GOLPH3: variants seen among roughly 807,000 people sequenced by gnomAD.
GOLPH3 encodes the protein golgi phosphoprotein 3.
In GOLPH3, 14 loss-of-function variants were observed where a neutral mutation model predicts 28.5. That is an observed-to-expected ratio of 0.49 (90% CI 0.32 to 0.77). GOLPH3 has a LOEUF of 0.77. Among genes scored for constraint, GOLPH3 ranks in the 30% least tolerant of loss-of-function variants. The pLI is 0.03. For synonymous variants in GOLPH3, 158 were observed against 159.2 expected (o/e 0.99, Z 0.06); for missense variants, 350 against 393.7 (o/e 0.89, Z 0.94).
At chr5:32,168,535 T>C (rs779391800) in intron 1 of GOLPH3, among the ~76,000 whole-genome samples, 2 of 152,216 alleles carry the variant, frequency 1.3e-5, no homozygotes, top group African/African-American at 2.4e-5. Flanking sequence ...TCTGGCTATC[T>C]TTAAAAAGCA....
At position 32,173,873 on chromosome 5, in the gene GOLPH3, G is replaced by A. The variant is rs1746910619; in HGVS notation, c.162C>T (p.Asp54=). The A allele has an allele frequency of 6.5e-7, 1 of 1,527,442 alleles. No homozygotes were observed. Among genetic ancestry groups the A allele is most frequent in the Non-Finnish European group, 8.8e-7 (1 of 1,140,486 alleles). The allele number at this position is 1,527,442 out of a possible 1,614,324, so 94.6% of individuals were successfully genotyped here. Residue 54 remains aspartate, a synonymous_variant, in exon 1 of 4, where the codon GAC becomes GAT. Coordinates refer to ENST00000265070, the MANE Select transcript of GOLPH3 (RefSeq NM_022130.4). ...RDEQDDDDKG[D]SKETRLTLME... ...TCAGGGTCAGCCGCGTTTCCTTGGA[G>A]TCGCCCTTGTCGTCGTCGTCCTGCT...
At position 32,125,858 on chromosome 5, in the gene GOLPH3, T is replaced by C. The variant is rs557733612; in HGVS notation, c.*354A>G. 5 of 204,030 alleles carry C rather than the reference T, an allele frequency of 2.5e-5. No individual in the cohort carries two copies. Among genetic ancestry groups the C allele is most frequent in the Admixed American group, 5.3e-5 (1 of 18,796 alleles). The allele number at this position is 204,030 out of a possible 1,614,324, so 12.6% of individuals were successfully genotyped here. A position where few individuals can be genotyped will look rare whatever the true frequency, so the allele number is the denominator to read the frequency against. On this transcript the variant is annotated 3_prime_UTR_variant, in exon 4 of 4. Transcript: ENST00000265070. ...CTGTAGGCAGAATGCTAGATGTACA[T>C]GCACATATGGAGAAACTCAAGCTGA...
Position 32,153,635 on chromosome 5 carries a change from C to A in GOLPH3, c.226-9755G>T, listed in dbSNP as rs142974238. 1.8e-3 allele frequency among the ~76,000 whole-genome samples: 279 copies of A among 152,054 alleles called. 3 individuals carry two copies. The highest frequency in any genetic ancestry group is 6.3e-3 in the African/African-American group (261 of 41,476). ...TTTTAATACAAGCGGTAAGCCAATG[C>A]AAATATTTGAAGAACCAAAATTTTC... On this transcript the variant is annotated intron_variant, in intron 1 of 3. Coordinates refer to ENST00000265070, the MANE Select transcript of GOLPH3 (RefSeq NM_022130.4).
intron 1 of GOLPH3, among the ~76,000 whole-genome samples, chr5:32,144,874 C>T (rs1251461924): frequency 3.9e-5 from 6 of 152,330 alleles, no homozygotes; most frequent in Admixed American, 6.5e-5. Flanking sequence ...TATAAAGCCA[C>T]AAATCTTGCC....
chr5:32,161,966 G>A (rs1156539177), intron 1 of GOLPH3, among the ~76,000 whole-genome samples: 1 of 151,036 alleles, frequency 6.6e-6, no homozygotes, highest in African/African-American at 2.5e-5. Flanking sequence ...GGCAGAGCTT[G>A]CAGTGAGCCG....
At chr5:32,171,999 G>C (rs1393993751) in intron 1 of GOLPH3, among the ~76,000 whole-genome samples, 2 of 151,710 alleles carry the variant, frequency 1.3e-5, no homozygotes, top group East Asian at 3.9e-4. Context: ...TTCCAATTTT[G>C]AAACCTAAAG....
chr5:32,154,527 G>T (rs961450905), intron 1 of GOLPH3, among the ~76,000 whole-genome samples: 3 of 152,126 alleles, frequency 2.0e-5, no homozygotes, highest in South Asian at 2.1e-4. Flanking sequence ...TACTTCTTTG[G>T]CTTGTGGCCT....
chr5:32,126,955 A>G (rs1259713820), intron 3 of GOLPH3, among the ~76,000 whole-genome samples: 1 of 152,220 alleles, frequency 6.6e-6, no homozygotes, highest in Non-Finnish European at 1.5e-5. Context: ...AGCTGAAGTC[A>G]AAAAGCAGCC....
At chr5:32,173,556 G>A (rs886601159) in intron 1 of GOLPH3, among the ~76,000 whole-genome samples, 4 of 152,138 alleles carry the variant, frequency 2.6e-5, no homozygotes, top group African/African-American at 9.7e-5. Context: ...CGAAATGAAA[G>A]GAGCGACTGT....
chr5:32,150,325 T>G (rs1746275934), intron 1 of GOLPH3, among the ~76,000 whole-genome samples: 2 of 151,846 alleles, frequency 1.3e-5, no homozygotes, highest in East Asian at 1.9e-4. Context: ...CTCAGCATTA[T>G]TATTAGTTCT....
rs75202941 is a variant in GOLPH3, at chr5:32,151,808, T to A, written c.226-7928A>T. 6.5e-3 allele frequency among the ~76,000 whole-genome samples: 992 copies of A among 152,316 alleles called. 13 individuals carry two copies. Among genetic ancestry groups the A allele is most frequent in the African/African-American group, 0.022 (911 of 41,572 alleles). Reference sequence around the variant, plus strand: ...CAGATCTATGTAAAATTCTGATACATAGCTACAAAACATGGATGAACTCTG... The same window carrying A: ...CAGATCTATGTAAAATTCTGATACAAAGCTACAAAACATGGATGAACTCTG... On this transcript the variant is annotated intron_variant, in intron 1 of 3. Transcript: ENST00000265070.
chr5:32,150,592 A>C (rs1375610293), intron 1 of GOLPH3, among the ~76,000 whole-genome samples: 1 of 152,138 alleles, frequency 6.6e-6, no homozygotes, highest in Non-Finnish European at 1.5e-5. Flanking sequence ...TCCAGAAACA[A>C]ACCCAAGAAC....
chr5:32,161,293 C>G lies in GOLPH3; in HGVS notation c.225+12517G>C, dbSNP rs182580539. ...TGGCGCACGCCTGTAGTCCCGGCTACTTGGAAGGCTGAGGTGGGAGGATCA... is the reference window on the plus strand; with the variant it reads ...TGGCGCACGCCTGTAGTCCCGGCTAGTTGGAAGGCTGAGGTGGGAGGATCA... On this transcript the variant is annotated intron_variant, in intron 1 of 3. Coordinates refer to ENST00000265070, the MANE Select transcript of GOLPH3 (RefSeq NM_022130.4). Among the ~76,000 whole-genome samples the G allele has an allele frequency of 1.4e-3, 210 of 149,994 alleles. 2 individuals are homozygous for G. The highest frequency in any genetic ancestry group is 2.8e-3 in the Admixed American group (43 of 15,124).
intron 1 of GOLPH3, among the ~76,000 whole-genome samples, chr5:32,150,102 A>G (rs796550526): frequency 1.4e-4 from 21 of 152,306 alleles, no homozygotes; most frequent in African/African-American, 5.1e-4. Context: ...AAGTAGCCAG[A>G]TTATATAAAA....
chr5:32,137,818 T>C (rs1001910410), intron 2 of GOLPH3, among the ~76,000 whole-genome samples: 15 of 152,232 alleles, frequency 9.9e-5, no homozygotes, highest in African/African-American at 3.4e-4. Flanking sequence ...TAGTTAAAAT[T>C]CCATAATATC....
At chr5:32,151,186 T>C (rs775422675) in intron 1 of GOLPH3, among the ~76,000 whole-genome samples, 9 of 151,550 alleles carry the variant, frequency 5.9e-5, no homozygotes, top group Non-Finnish European at 1.3e-4. Flanking sequence ...GATAAATCTC[T>C]AGTATACAAT....
At chr5:32,135,721 G>T (rs746530888) in intron 2 of GOLPH3, 35 bp from the exon 3 acceptor site, 1 of 1,262,780 alleles carries the variant, frequency 7.9e-7, no homozygotes, top group Non-Finnish European at 1.2e-6. Context: ...AAGGATCCAC[G>T]AATGCCTTTT....
At chr5:32,153,024 T>C (rs1021824191) in intron 1 of GOLPH3, among the ~76,000 whole-genome samples, 2 of 152,172 alleles carry the variant, frequency 1.3e-5, no homozygotes, top group Non-Finnish European at 2.9e-5. Context: ...AGTATATGCA[T>C]ATGGTTATTG....
In GOLPH3 at chr5:32,158,115, TAAATAAATAAATAAA is replaced by T. The variant is rs1561679023; in HGVS notation, c.226-14250_226-14236del. Among the ~76,000 whole-genome samples, 101 of 102,688 alleles carry T rather than the reference TAAATAAATAAATAAA, an allele frequency of 9.8e-4. 12 individuals are homozygous for T. The highest frequency in any genetic ancestry group is 4.2e-3 in the African/African-American group (97 of 23,354). The allele number at this position is 102,688 out of a possible 152,430, so 67.4% of individuals were successfully genotyped here. ...CAAAATAAATAAATAAATAAATAAATAAATAAATAAATAAAATACACACACACACACACACACACA... is the reference window on the plus strand; with the variant it reads ...CAAAATAAATAAATAAATAAATAAATATACACACACACACACACACACACA... On this transcript the variant is annotated intron_variant, in intron 1 of 3. Coordinates refer to ENST00000265070, the MANE Select transcript of GOLPH3 (RefSeq NM_022130.4).
Sources: gnomAD v4.1 joint callset for allele counts (sites outside exome capture counted in the v4.1 genomes callset) on GRCh38, gnomAD v4.1.1 for gene constraint, MANE v1.5 for transcripts, NCBI Gene and HGNC (gene_info 2026-07-23, HGNC 2026-07-21) for gene names.